Variants in SPTA1 observed in about 807,000 individuals in gnomAD.
The protein encoded by SPTA1 is spectrin alpha, erythrocytic 1, also known as spectrin alpha chain, erythrocytic 1.
SPTA1 carries 177 observed loss-of-function variants against 324.7 expected under a neutral mutation model. That is an observed-to-expected ratio of 0.55 (90% CI 0.48 to 0.62). The LOEUF (loss-of-function observed/expected upper bound fraction) is 0.62. SPTA1 is among the 20% of genes least tolerant of loss of function. SPTA1 has a pLI of 0.00. For missense variants in SPTA1, 3,162 were observed against 2,883.6 expected, an observed-to-expected ratio of 1.10 and a Z score of -2.21; for synonymous variants, 1,195 against 1,041.3, an observed-to-expected ratio of 1.15 and a Z score of -2.84.
At chr1:158,654,538 A>G (rs1484488597) in intron 21 of SPTA1, 73 bp downstream of exon 21, 56 of 1,589,362 alleles carry the variant, frequency 3.5e-5, no homozygotes, top group Non-Finnish European at 4.7e-5. Flanking sequence ...AAAAATATGA[A>G]TATCTGGCAG....
intron 39 of SPTA1, among the ~76,000 whole-genome samples, chr1:158,628,027 A>T (rs10489838): frequency 0.051 from 7,755 of 152,228 alleles, 435 homozygotes; most frequent in African/African-American, 0.14. Flanking sequence ...GTATATAAAG[A>T]TTCCTCCATA....
chr1:158,663,804 T>C (rs1037014415), intron 16 of SPTA1, among the ~76,000 whole-genome samples: 6 of 152,160 alleles, frequency 3.9e-5, no homozygotes, highest in African/African-American at 1.4e-4. Flanking sequence ...CCATGGCATA[T>C]GTATGCCTAT....
At chr1:158,654,857 G>A (rs1465911221) in intron 20 of SPTA1, 109 bp from the exon 21 acceptor site, 1 of 1,467,526 alleles carries the variant, frequency 6.8e-7, no homozygotes, top group Non-Finnish European at 9.4e-7. Context: ...AGAGCCTCTG[G>A]CTGGAACCTC....
chr1:158,650,558 T>C (rs1175007900), intron 24 of SPTA1, among the ~76,000 whole-genome samples: 1 of 152,216 alleles, frequency 6.6e-6, no homozygotes, highest in Non-Finnish European at 1.5e-5. Flanking sequence ...TCTACTGACC[T>C]ATATTCTCCT....
intron 16 of SPTA1, among the ~76,000 whole-genome samples, chr1:158,665,708 A>T (rs941077894): frequency 2.0e-5 from 3 of 152,162 alleles, no homozygotes; most frequent in African/African-American, 7.2e-5. Context: ...TCACATTGGG[A>T]AAGTCACTTT....
At chr1:158,664,504 A>G (rs1317599143) in intron 16 of SPTA1, among the ~76,000 whole-genome samples, 3 of 152,082 alleles carry the variant, frequency 2.0e-5, no homozygotes, top group African/African-American at 7.2e-5. Context: ...CAGGGAGGGG[A>G]ACATCACACA....
chr1:158,671,165 A>T (rs1571505423), intron 12 of SPTA1, among the ~76,000 whole-genome samples, 178 bp downstream of exon 12: 1 of 152,192 alleles, frequency 6.6e-6, no homozygotes, highest in Non-Finnish European at 1.5e-5. Context: ...AAAATTAAAG[A>T]GTTTGAAAAA....
At chr1:158,666,285 C>T (rs369474872) in intron 16 of SPTA1, 31 bp downstream of exon 16, 357 of 1,612,038 alleles carry the variant, frequency 2.2e-4, no homozygotes, top group Non-Finnish European at 2.9e-4. Flanking sequence ...ACACCCATTG[C>T]TTATGGCTGG....
chr1:158,654,601 GAA>G lies in SPTA1; in HGVS notation c.3036+8_3036+9del. 6.2e-7 allele frequency: 1 copy of G among 1,613,872 alleles called. No homozygotes were observed. The highest frequency in any genetic ancestry group is 1.7e-4 in the Middle Eastern group (1 of 6,058). ...CACTTTTTGATGGAAAGATTAGAAG[GAA>G]AAGTCACCTTATTGATGGAACTGAG... On this transcript the variant is annotated splice_region_variant and intron_variant, in intron 21 of 51. Coordinates refer to ENST00000643759, the MANE Select transcript of SPTA1 (RefSeq NM_003126.4).
chr1:158,682,278 A>G (rs1376322654), intron 3 of SPTA1, among the ~76,000 whole-genome samples: 2 of 152,116 alleles, frequency 1.3e-5, no homozygotes, highest in Admixed American at 1.3e-4. Context: ...AGAATCTTAT[A>G]TTTTTCAACT....
chr1:158,681,901 A>T (rs1343011044), intron 3 of SPTA1, among the ~76,000 whole-genome samples: 2 of 152,234 alleles, frequency 1.3e-5, no homozygotes, highest in Non-Finnish European at 2.9e-5. Flanking sequence ...TTGCAGTTTT[A>T]AAGGATGGAA....
chr1:158,622,717 C>G (rs1649994444), intron 43 of SPTA1: 1 of 427,808 alleles, frequency 2.3e-6, no homozygotes, highest in Non-Finnish European at 4.3e-6. Flanking sequence ...ACAAAGACCT[C>G]CCATCCTCTT....
chr1:158,674,053 G>A (rs760682209), intron 10 of SPTA1, among the ~76,000 whole-genome samples: 3 of 152,114 alleles, frequency 2.0e-5, no homozygotes, highest in Non-Finnish European at 4.4e-5. Flanking sequence ...AATTTAAAGT[G>A]TACAGGAGAA....
In SPTA1 at chr1:158,654,700, T is replaced by C. The variant is rs904022988; in HGVS notation, c.2947A>G (p.Met983Val). ...CGGGCCTGGAAGTCATATAAAGCCA[T>C]GACCCTTTGTTCTCCAGCAACTCCC... ...VEGVAGEQRV[M>V]ALYDFQARSP... The change falls in exon 21 of 52, where the codon ATG (methionine) becomes GTG (valine). Residue 983 changes from methionine (M) to valine (V), a missense_variant. Transcript: ENST00000643759. 22 of 1,613,826 alleles carry C rather than the reference T, an allele frequency of 1.4e-5. No homozygotes were observed. The African/African-American group carries it at 2.0e-4, about 15-fold the overall frequency.
rs780450572 is a variant in SPTA1 at position 158,656,620 on chromosome 1, G to A, written c.2842C>T (p.Leu948Phe). The A allele has an allele frequency of 6.2e-5, 100 of 1,613,724 alleles. No individual in the cohort carries two copies. Among genetic ancestry groups the A allele is most frequent in the Non-Finnish European group, 7.9e-5 (93 of 1,179,932 alleles). Residue 948 changes from leucine to phenylalanine, a missense_variant, in exon 20 of 52, where the codon CTC (leucine) becomes TTC (phenylalanine). Transcript: ENST00000643759. ...LKKHEAFLLDLNSFGDSMKAL... is the reference protein window; with the variant it reads ...LKKHEAFLLDFNSFGDSMKAL... ...TTCATACTGTCTCCAAATGAATTGA[G>A]ATCTAATAGAAAGGCCTCATGCTTC...
chr1:158,683,577 C>T (rs531833256), intron 2 of SPTA1, 81 bp from the exon 3 acceptor site: 146 of 1,581,848 alleles, frequency 9.2e-5, no homozygotes, highest in Non-Finnish European at 1.2e-4. Flanking sequence ...AGCCACCAAA[C>T]ACAGGTTCTC....
intron 39 of SPTA1, among the ~76,000 whole-genome samples, chr1:158,633,661 G>GA (rs1036389907): frequency 0.013 from 792 of 60,710 alleles, 7 homozygotes; most frequent in Middle Eastern, 0.051. Context: ...ACTCTGTCTC[G>GA]AAAAAAAAAA....
intron 33 of SPTA1, among the ~76,000 whole-genome samples, chr1:158,641,622 A>G (rs1651582673): frequency 6.6e-6 from 1 of 152,196 alleles, no homozygotes. Context: ...ACCATCTCAC[A>G]CCAGTTAGAA....
chr1:158,641,860 C>T (rs1292225430), intron 33 of SPTA1, among the ~76,000 whole-genome samples: 1 of 152,154 alleles, frequency 6.6e-6, no homozygotes, highest in Admixed American at 6.5e-5. Context: ...CACATGCACA[C>T]ATATGTTTAT....
Sources: gnomAD v4.1 joint callset for allele counts (sites outside exome capture counted in the v4.1 genomes callset) on GRCh38, gnomAD v4.1.1 for gene constraint, MANE v1.5 for transcripts, NCBI Gene and HGNC (gene_info 2026-07-23, HGNC 2026-07-21) for gene names.